LGI2: variants seen among roughly 807,000 people sequenced by gnomAD.
LGI2 encodes the protein leucine rich repeat LGI family member 2.
In LGI2, 30 loss-of-function variants were observed where a neutral mutation model predicts 52.0. The observed-to-expected ratio is 0.58, with a 90% CI of 0.43 to 0.78. The LOEUF (loss-of-function observed/expected upper bound fraction) is 0.78, where lower values mean the gene tolerates loss of function less well. Ranked by LOEUF, LGI2 falls within the 30% of genes least tolerant of loss-of-function variation. The pLI, the probability that LGI2 is intolerant of heterozygous loss-of-function variation, is 0.00. For missense variants in LGI2, 573 were observed against 692.5 expected (o/e 0.83, Z 1.94); for synonymous variants, 270 against 271.8 (o/e 0.99, Z 0.06).
chr4:25,027,516 T>C (rs1411034516), intron 2 of LGI2, among the ~76,000 whole-genome samples: 3 of 152,222 alleles, frequency 2.0e-5, no homozygotes, highest in East Asian at 1.9e-4. Flanking sequence ...ATTTCTATTA[T>C]ATGAAAAGTA....
At chr4:25,025,290 T>C (rs962665621) in intron 3 of LGI2, among the ~76,000 whole-genome samples, 1 of 152,238 alleles carries the variant, frequency 6.6e-6, no homozygotes, top group East Asian at 1.9e-4. Context: ...CATACTTCTG[T>C]TAATGTCACT....
rs181227349 is a variant in LGI2, at chr4:25,009,362, C to T, written c.820+2973G>A. 6.6e-5 allele frequency among the ~76,000 whole-genome samples: 10 copies of T among 152,254 alleles called. No individual in the cohort carries two copies. In the South Asian group the frequency reaches 1.2e-3, roughly 19 times the overall value. ...GGAATGCTCTTCCCCCCTCTCCATG[C>T]GAACCAATCCCTCCAATCCCACAGG... On this transcript the variant is annotated intron_variant, in intron 7 of 7. Coordinates refer to ENST00000382114, the MANE Select transcript of LGI2 (RefSeq NM_018176.4).
At chr4:25,027,807 T>C (rs992497833) in intron 2 of LGI2, among the ~76,000 whole-genome samples, 1 of 152,248 alleles carries the variant, frequency 6.6e-6, no homozygotes, top group African/African-American at 2.4e-5. Flanking sequence ...AAACTACTTT[T>C]TGGACATTTG....
At chr4:25,026,214 G>A (rs1441431211) in intron 3 of LGI2, among the ~76,000 whole-genome samples, 1 of 151,516 alleles carries the variant, frequency 6.6e-6, no homozygotes, top group African/African-American at 2.4e-5. Context: ...CTGATAGCAG[G>A]ATTAACATTA....
At chr4:25,023,101 A>C (rs16876648) in intron 4 of LGI2, among the ~76,000 whole-genome samples, 1 of 152,104 alleles carries the variant, frequency 6.6e-6, no homozygotes, top group South Asian at 2.1e-4. Flanking sequence ...GATGATGCCA[A>C]TTATGCCTTG....
Position 25,026,952 on chromosome 4 carries a change from G to A in LGI2, c.270-13C>T, listed in dbSNP as rs749989005. The A allele has an allele frequency of 6.3e-7, 1 of 1,598,466 alleles. No individual in the cohort carries two copies. The highest frequency in any genetic ancestry group is 8.6e-7 in the Non-Finnish European group (1 of 1,165,700). ...AGAATTCAGCAATCTGAAAGTAAGA[G>A]ACAGATTCCAATGGAGAGATGTAAA... On this transcript the variant is annotated splice_polypyrimidine_tract_variant and intron_variant, in intron 2 of 7. Transcript: ENST00000382114.
rs953837054 is a variant in LGI2, at chr4:25,030,754, C to T, written c.-61G>A. 6 of 997,662 alleles carry T rather than the reference C, an allele frequency of 6.0e-6. No homozygotes were observed. The highest frequency in any genetic ancestry group is 6.1e-6 in the Non-Finnish European group (5 of 820,358). The allele number at this position is 997,662 out of a possible 1,614,324, so 61.8% of individuals were successfully genotyped here. The stretch of plus-strand genomic sequence containing the variant: ...CACCGCCGCGCCGCGCGCTCGGACC[C>T]GGCGCCGCTGCAGACGCGGGCGCCG... On this transcript the variant is annotated 5_prime_UTR_variant, in exon 1 of 8. Transcript: ENST00000382114.
chr4:25,013,051 C>G (rs759640780), intron 6 of LGI2, among the ~76,000 whole-genome samples: 8 of 152,200 alleles, frequency 5.3e-5, no homozygotes, highest in Non-Finnish European at 1.0e-4. Flanking sequence ...CAGACAACCC[C>G]ACTGCACGTT....
rs1386015015 is a variant in LGI2 at position 24,999,737 on chromosome 4, T to C, written c.*3714A>G. 1 of 448,348 alleles carries C rather than the reference T, an allele frequency of 2.2e-6. No homozygotes were observed. The highest frequency in any genetic ancestry group is 1.6e-5 in the South Asian group (1 of 63,116). The allele number at this position is 448,348 out of a possible 1,614,324, so 27.8% of individuals were successfully genotyped here. A position where few individuals can be genotyped will look rare whatever the true frequency, so the allele number is the denominator to read the frequency against. On this transcript the variant is annotated 3_prime_UTR_variant, in exon 8 of 8. Transcript: ENST00000382114. ...TGACCGCCAAACCTCTGGCATCCCA[T>C]GCTGATTTCTTTCCTAAAAATACAC...
chr4:24,998,919 C>G lies in LGI2; in HGVS notation c.*4532G>C, dbSNP rs937307160. 4 of 152,318 alleles carry G rather than the reference C, an allele frequency of 2.6e-5. No homozygotes were observed. Among genetic ancestry groups the G allele is most frequent in the Middle Eastern group, 3.4e-3 (1 of 294 alleles). The allele number at this position is 152,318 out of a possible 1,614,324, so 9.4% of individuals were successfully genotyped here. ...TTAAGAGGCATATAGTTTGTATACC[C>G]TATTTACCAAAAAGAGCTAAATATG... On this transcript the variant is annotated 3_prime_UTR_variant, in exon 8 of 8. Coordinates refer to ENST00000382114, the MANE Select transcript of LGI2 (RefSeq NM_018176.4).
At position 25,024,859 on chromosome 4, in the gene LGI2, G is replaced by T. The variant is rs1033717055; in HGVS notation, c.374C>A (p.Ser125Ter). 7.5e-6 allele frequency: 12 copies of T among 1,608,480 alleles called. No homozygotes were observed. Among genetic ancestry groups the T allele is most frequent in the Admixed American group, 3.4e-5 (2 of 58,706 alleles). The change falls in exon 4 of 8, where the codon TCA becomes TAA. Residue 125 changes from serine to a stop codon, truncating the protein, a stop_gained. Coordinates refer to ENST00000382114, the MANE Select transcript of LGI2 (RefSeq NM_018176.4). LOFTEE classifies it high-confidence loss of function. ...FIEGNKIETI[S>*]RNAFRGLRDL... is the part of the protein sequence containing the mutation. ...ACGGAGGCCACGAAAGGCATTTCTTGAAATGGTTTCTATTTTGTTCCCTTC... is the reference window on the plus strand; with the variant it reads ...ACGGAGGCCACGAAAGGCATTTCTTTAAATGGTTTCTATTTTGTTCCCTTC...
chr4:25,003,539 G>C lies in LGI2; in HGVS notation c.1550C>G (p.Ser517Cys). ...VQAPRSFTAV[S>C]TDRRDFFFAS... is the part of the protein sequence containing the mutation. ...AAAAAAGAAATCTCTCCTGTCGGTGGAGACAGCTGTGAATGAACGAGGCGC... is the reference window on the plus strand; with the variant it reads ...AAAAAAGAAATCTCTCCTGTCGGTGCAGACAGCTGTGAATGAACGAGGCGC... Residue 517 changes from serine to cysteine, a missense_variant, in exon 8 of 8, where the codon TCC becomes TGC. Coordinates refer to ENST00000382114, the MANE Select transcript of LGI2 (RefSeq NM_018176.4). The C allele has an allele frequency of 6.2e-7, 1 of 1,613,528 alleles. No individual in the cohort carries two copies. Among genetic ancestry groups the C allele is most frequent in the Non-Finnish European group, 8.5e-7 (1 of 1,179,860 alleles).
At chr4:25,027,006 C>G in intron 2 of LGI2, 67 bp from the exon 3 acceptor site, 1 of 1,197,568 alleles carries the variant, frequency 8.4e-7, no homozygotes, top group Non-Finnish European at 1.2e-6. Flanking sequence ...AGCCATTTCT[C>G]TTTCCTTTGC....
chr4:24,993,905 TG>T (rs927815036), downstream of LGI2, among the ~76,000 whole-genome samples: 1 of 152,078 alleles, frequency 6.6e-6, no homozygotes, highest in African/African-American at 2.4e-5. Flanking sequence ...CAGATGGAAA[TG>T]GGGGGTTGGA....
At chr4:24,992,636 T>TCGTG in the LGI2 span, among the ~76,000 whole-genome samples, 1 of 151,998 alleles carries the variant, frequency 6.6e-6, no homozygotes, top group Admixed American at 6.5e-5. Context: ...TGAGCCAAGA[T>TCGTG]CGTGCCATTG....
At chr4:25,024,427 T>A (rs940081534) in intron 4 of LGI2, among the ~76,000 whole-genome samples, 1 of 152,158 alleles carries the variant, frequency 6.6e-6, no homozygotes, top group African/African-American at 2.4e-5. Flanking sequence ...GGCATGATAA[T>A]GGCTTGAACC....
intron 4 of LGI2, 29 bp from the exon 5 acceptor site, chr4:25,019,267 G>C (rs776941330): frequency 1.4e-6 from 2 of 1,459,338 alleles, no homozygotes; most frequent in South Asian, 2.3e-5. Context: ...ATTGCAATGT[G>C]ATTATTATCT....
At chr4:25,018,721 G>A (rs1273434779) in intron 5 of LGI2, among the ~76,000 whole-genome samples, 2 of 152,078 alleles carry the variant, frequency 1.3e-5, no homozygotes, top group Non-Finnish European at 2.9e-5. Context: ...AATTAGCTGG[G>A]GGTAGTGGTG....
chr4:25,015,993 T>C (rs1725745129), intron 6 of LGI2, among the ~76,000 whole-genome samples: 1 of 151,744 alleles, frequency 6.6e-6, no homozygotes, highest in Admixed American at 6.6e-5. Flanking sequence ...GCGCTGACTT[T>C]CTAAAGTTTA....
Sources: gnomAD v4.1 joint callset for allele counts (sites outside exome capture counted in the v4.1 genomes callset) on GRCh38, gnomAD v4.1.1 for gene constraint, MANE v1.5 for transcripts, NCBI Gene and HGNC (gene_info 2026-07-23, HGNC 2026-07-21) for gene names.